CACNB2: variants seen among roughly 807,000 people sequenced by gnomAD.
CACNB2 encodes the protein voltage-dependent L-type calcium channel subunit beta-2.
A neutral mutation model predicts 73.3 loss-of-function variants in CACNB2; 42 were observed. That is an observed-to-expected ratio of 0.57 (90% CI 0.45 to 0.74). The LOEUF is 0.74. Among genes scored for constraint, CACNB2 ranks in the 30% least tolerant of loss-of-function variants. The pLI is 0.00. For synonymous variants in CACNB2, 348 were observed against 310.3 expected, an observed-to-expected ratio of 1.12 and a Z score of -1.28; for missense variants, 940 against 853.0, an observed-to-expected ratio of 1.10 and a Z score of -1.27.
chr10:18,263,800 T>C (rs2037665411), intron 2 of CACNB2, among the ~76,000 whole-genome samples: 1 of 152,250 alleles, frequency 6.6e-6, no homozygotes, highest in African/African-American at 2.4e-5. Context: ...TCAAAACTTC[T>C]CTGAGCAGTG....
chr10:18,238,771 A>G (rs570744550), intron 2 of CACNB2, among the ~76,000 whole-genome samples: 1 of 152,346 alleles, frequency 6.6e-6, no homozygotes, highest in African/African-American at 2.4e-5. Context: ...TTAAAAAACA[A>G]TGTGGAAAAT....
Position 18,427,967 on chromosome 10 carries a change from C to A in CACNB2, c.333+25924C>A, listed in dbSNP as rs185595213. 1.1e-3 allele frequency among the ~76,000 whole-genome samples: 166 copies of A among 152,180 alleles called. 1 individual carries two copies. Among genetic ancestry groups the A allele is most frequent in the African/African-American group, 3.5e-3 (145 of 41,552 alleles). On this transcript the variant is annotated intron_variant, in intron 3 of 13. Coordinates refer to ENST00000324631, the MANE Select transcript of CACNB2 (RefSeq NM_201596.3). ...AGCTCATTATTTCTCAAAGTATCTT[C>A]TGTTAATCACACAAGCTTTTTACAT...
intron 1 of CACNB2, 70 bp downstream of exon 1, chr10:18,140,926 C>G (rs1171155111): frequency 6.5e-6 from 10 of 1,543,784 alleles, no homozygotes; most frequent in Non-Finnish European, 8.7e-6. Flanking sequence ...CGGGTTCTCC[C>G]GGCGCCTCCA....
chr10:18,281,853 G>A (rs2038561987), intron 2 of CACNB2, among the ~76,000 whole-genome samples: 2 of 151,862 alleles, frequency 1.3e-5, no homozygotes, highest in Admixed American at 1.3e-4. Context: ...GATAGTGCAT[G>A]GCTATAGTCC....
At chr10:18,364,825 A>G (rs1393556502) in intron 2 of CACNB2, among the ~76,000 whole-genome samples, 1 of 152,098 alleles carries the variant, frequency 6.6e-6, no homozygotes, top group Non-Finnish European at 1.5e-5. Flanking sequence ...TCCATGCGAT[A>G]TTTCTTCCTT....
intron 10 of CACNB2, among the ~76,000 whole-genome samples, chr10:18,531,216 G>A (rs1039536107): frequency 3.3e-5 from 5 of 152,066 alleles, no homozygotes; most frequent in African/African-American, 1.2e-4. Flanking sequence ...TTTTTTGTTT[G>A]ATTACAGAAA....
intron 9 of CACNB2, among the ~76,000 whole-genome samples, chr10:18,526,941 C>T (rs2052530014): frequency 6.6e-6 from 1 of 151,996 alleles, no homozygotes; most frequent in Non-Finnish European, 1.5e-5. Context: ...GATAAAAAAT[C>T]TCTCTGTGAG....
At position 18,484,622 on chromosome 10, in the gene CACNB2, G is replaced by A. The variant is rs189575539; in HGVS notation, c.334-13733G>A. ...TGAGAATCCAAACTTTTCAATCGCTGTAGCTAAAGTTCTTTGGCCCAGTGT... is the reference window on the plus strand; with the variant it reads ...TGAGAATCCAAACTTTTCAATCGCTATAGCTAAAGTTCTTTGGCCCAGTGT... On this transcript the variant is annotated intron_variant, in intron 3 of 13. Transcript: ENST00000324631. 1.3e-3 allele frequency among the ~76,000 whole-genome samples: 202 copies of A among 152,228 alleles called. 2 individuals carry two copies. Among genetic ancestry groups the A allele is most frequent in the South Asian group, 7.7e-3 (37 of 4,816 alleles).
At position 18,457,128 on chromosome 10, in the gene CACNB2, T is replaced by G. The variant is rs148993458; in HGVS notation, c.334-41227T>G. Reference sequence around the variant, plus strand: ...TGTATGTTTAGACAGAGTTTCACTCTGTGTCCAAGCTGCAGTGCAGTGTGC... The same window carrying G: ...TGTATGTTTAGACAGAGTTTCACTCGGTGTCCAAGCTGCAGTGCAGTGTGC... On this transcript the variant is annotated intron_variant, in intron 3 of 13. Coordinates refer to ENST00000324631, the MANE Select transcript of CACNB2 (RefSeq NM_201596.3). 2.0e-5 allele frequency among the ~76,000 whole-genome samples: 3 copies of G among 152,336 alleles called. No homozygotes were observed. The East Asian group carries it at 5.8e-4, about 29-fold the overall frequency.
intron 3 of CACNB2, among the ~76,000 whole-genome samples, chr10:18,415,523 G>T (rs971949401): frequency 1.3e-5 from 2 of 151,832 alleles, no homozygotes; most frequent in Admixed American, 6.6e-5. Context: ...AATGGCAAAT[G>T]GGTGGACCCC....
chr10:18,203,568 A>G (rs2034972893), intron 2 of CACNB2, among the ~76,000 whole-genome samples: 2 of 152,194 alleles, frequency 1.3e-5, no homozygotes, highest in South Asian at 4.1e-4. Flanking sequence ...TGAGGGGGAA[A>G]CATGAATAAA....
chr10:18,190,832 G>A (rs1261253000), intron 2 of CACNB2, among the ~76,000 whole-genome samples: 8 of 152,234 alleles, frequency 5.3e-5, no homozygotes, highest in Non-Finnish European at 8.8e-5. Context: ...GTGTTGACAA[G>A]GGAAGGGCAG....
chr10:18,435,054 T>C (rs2046066977), intron 3 of CACNB2, among the ~76,000 whole-genome samples: 1 of 152,212 alleles, frequency 6.6e-6, no homozygotes, highest in South Asian at 2.1e-4. Flanking sequence ...TCTGGTCTGC[T>C]GGAGCCCACG....
At chr10:18,174,798 T>G (rs1032853702) in intron 2 of CACNB2, among the ~76,000 whole-genome samples, 1 of 151,928 alleles carries the variant, frequency 6.6e-6, no homozygotes, top group Non-Finnish European at 1.5e-5. Context: ...CTAACATGAG[T>G]TCAAATTTAA....
chr10:18,286,517 CAAAAAAAAA>C (rs770589594), intron 2 of CACNB2, among the ~76,000 whole-genome samples: 5 of 57,330 alleles, frequency 8.7e-5, no homozygotes, highest in Non-Finnish European at 1.7e-4. Flanking sequence ...GATTCTGTCT[CAAAAAAAAA>C]AAAAAAAAAA....
chr10:18,191,671 T>A (rs1018312469), intron 2 of CACNB2, among the ~76,000 whole-genome samples: 6 of 152,172 alleles, frequency 3.9e-5, no homozygotes, highest in Non-Finnish European at 7.3e-5. Flanking sequence ...CTCCCACATA[T>A]CAGTGAGAAC....
chr10:18,350,534 C>G (rs985432541), intron 2 of CACNB2, among the ~76,000 whole-genome samples: 1 of 152,136 alleles, frequency 6.6e-6, no homozygotes, highest in Non-Finnish European at 1.5e-5. Flanking sequence ...CTAGAGCAGC[C>G]GACGTTCCCT....
intron 3 of CACNB2, among the ~76,000 whole-genome samples, chr10:18,436,727 C>T (rs988806953): frequency 6.6e-6 from 1 of 152,082 alleles, no homozygotes. Context: ...GCCAAATGAG[C>T]TTGTACAACT....
At chr10:18,402,138 A>G (rs1589249333) in intron 3 of CACNB2, 95 bp downstream of exon 3, 2 of 1,344,722 alleles carry the variant, frequency 1.5e-6, no homozygotes, top group East Asian at 2.3e-5. Context: ...TGTTTGATCT[A>G]TTAGAGAATT....
Sources: gnomAD v4.1 joint callset for allele counts (sites outside exome capture counted in the v4.1 genomes callset) on GRCh38, gnomAD v4.1.1 for gene constraint, MANE v1.5 for transcripts, NCBI Gene and HGNC (gene_info 2026-07-23, HGNC 2026-07-21) for gene names.